IFT81: variants seen among roughly 807,000 people sequenced by gnomAD.
IFT81 encodes the protein intraflagellar transport 81, also known as intraflagellar transport protein 81 homolog.
IFT81 carries 72 observed loss-of-function variants against 102.6 expected under a neutral mutation model. The ratio of observed to expected loss-of-function variants is 0.70; its 90% confidence interval spans 0.58 to 0.85. The LOEUF is 0.85. Ranked by LOEUF, IFT81 falls within the 40% of genes least tolerant of loss-of-function variation. IFT81 has a pLI of 0.00. For missense variants in IFT81, 723 were observed against 787.3 expected (o/e 0.92, Z 0.98); for synonymous variants, 237 against 242.7 (o/e 0.98, Z 0.22).
chr12:110,211,806 C>A (rs905580821), intron 18 of IFT81, among the ~76,000 whole-genome samples: 66 of 152,180 alleles, frequency 4.3e-4, no homozygotes, highest in Middle Eastern at 3.4e-3. Flanking sequence ...TGCGCCCAGC[C>A]TTCTTACTAG....
chr12:110,130,128 A>G lies in IFT81; in HGVS notation c.429+998A>G, dbSNP rs571263322. ...GCTATTTGGGGTAGACATGGCAGTA[A>G]CTCAAAATAGAGTCAATATTGATCT... is the stretch of plus-strand genomic sequence containing the variant. On this transcript the variant is annotated intron_variant, in intron 4 of 18. Transcript: ENST00000242591. 2.9e-4 allele frequency among the ~76,000 whole-genome samples: 44 copies of G among 152,292 alleles called. 1 individual carries two copies. The highest frequency in any genetic ancestry group is 9.9e-4 in the African/African-American group (41 of 41,548).
At chr12:110,211,292 C>T (rs992299804) in intron 18 of IFT81, among the ~76,000 whole-genome samples, 1 of 151,172 alleles carries the variant, frequency 6.6e-6, no homozygotes, top group Admixed American at 6.6e-5. Context: ...CAGGCTCAAG[C>T]GATCCTCCCG....
intron 8 of IFT81, among the ~76,000 whole-genome samples, chr12:110,141,453 A>G (rs1319138913): frequency 3.9e-5 from 6 of 152,242 alleles, no homozygotes; most frequent in Admixed American, 3.9e-4. Context: ...AAAATTTTAC[A>G]TGTTAATATA....
intron 12 of IFT81, among the ~76,000 whole-genome samples, chr12:110,189,360 A>T (rs112592210): frequency 4.4e-4 from 66 of 151,072 alleles, no homozygotes; most frequent in Admixed American, 6.0e-4. Flanking sequence ...TTATTTATTT[A>T]TTTTTTGAGA....
chr12:110,203,553 A>G lies in IFT81; in HGVS notation c.1558-311A>G, dbSNP rs1472149539. ...GTAACACCTTGTGTTTTCCTATCAT[A>G]GCTCTCAGCAGCCTGTTTACTTGTC... is the stretch of plus-strand genomic sequence containing the variant. On this transcript the variant is annotated intron_variant, in intron 14 of 18. Coordinates refer to ENST00000242591, the MANE Select transcript of IFT81 (RefSeq NM_014055.4). The G allele has an allele frequency of 1.1e-5, 3 of 262,024 alleles. No homozygotes were observed. In the South Asian group the frequency reaches 1.5e-4, roughly 13 times the overall value. 16.2% of individuals were successfully genotyped at this position (262,024 alleles called of 1,614,324 possible).
chr12:110,157,566 T>A (rs188436389), intron 10 of IFT81, among the ~76,000 whole-genome samples: 1 of 152,212 alleles, frequency 6.6e-6, no homozygotes, highest in Non-Finnish European at 1.5e-5. Flanking sequence ...TTGTATTTAA[T>A]CAAATTGATG....
chr12:110,159,426 C>T (rs935346137), intron 10 of IFT81, among the ~76,000 whole-genome samples: 1 of 152,184 alleles, frequency 6.6e-6, no homozygotes, highest in Admixed American at 6.5e-5. Context: ...GGCCACTGCA[C>T]TCCAGCCTGA....
chr12:110,162,772 A>G (rs1227855314), intron 10 of IFT81, 147 bp from the exon 11 acceptor site: 1 of 599,468 alleles, frequency 1.7e-6, no homozygotes, highest in Non-Finnish European at 2.9e-6. Flanking sequence ...GGTGATGATG[A>G]GTAGTAGGGC....
intron 12 of IFT81, among the ~76,000 whole-genome samples, chr12:110,183,911 C>T (rs888121068): frequency 6.6e-6 from 1 of 152,186 alleles, no homozygotes; most frequent in Non-Finnish European, 1.5e-5. Context: ...TTTGCCTAGA[C>T]TAAGAATTCA....
At chr12:110,136,667 C>T in intron 7 of IFT81, 109 bp from the exon 8 acceptor site, 2 of 498,180 alleles carry the variant, frequency 4.0e-6, no homozygotes, top group South Asian at 6.4e-5. Context: ...ATTATTTGTT[C>T]CTTTTATATC....
At chr12:110,144,969 G>A (rs1895127580) in intron 9 of IFT81, among the ~76,000 whole-genome samples, 1 of 147,206 alleles carries the variant, frequency 6.8e-6, no homozygotes, top group African/African-American at 2.5e-5. Flanking sequence ...GGGTTCAAGC[G>A]ATTCTTCTAC....
chr12:110,187,475 G>C (rs1897588213), intron 12 of IFT81, among the ~76,000 whole-genome samples: 1 of 152,172 alleles, frequency 6.6e-6, no homozygotes, highest in South Asian at 2.1e-4. Flanking sequence ...ATGTTGGCCA[G>C]GCTGGTCTTG....
intron 11 of IFT81, among the ~76,000 whole-genome samples, chr12:110,171,452 C>T (rs958405387): frequency 2.4e-4 from 37 of 152,110 alleles, no homozygotes; most frequent in African/African-American, 8.0e-4. Flanking sequence ...GATTTCTACC[C>T]GCATATATCA....
At chr12:110,140,105 T>A (rs56084592) in intron 8 of IFT81, among the ~76,000 whole-genome samples, 25,487 of 149,268 alleles carry the variant, frequency 0.17, 3,321 homozygotes, top group African/African-American at 0.37. Flanking sequence ...ATGTATTAAA[T>A]TTTTTTTTTT....
At chr12:110,191,214 A>G (rs1248787793) in intron 13 of IFT81, among the ~76,000 whole-genome samples, 166 bp downstream of exon 13, 1 of 149,714 alleles carries the variant, frequency 6.7e-6, no homozygotes, top group African/African-American at 2.5e-5. Flanking sequence ...TCTATTGCCC[A>G]GGCTAGAGTG....
At chr12:110,144,019 TTTTTTTTTTGAGACAGTAC>T (rs1381917221) in intron 9 of IFT81, among the ~76,000 whole-genome samples, 3 of 149,084 alleles carry the variant, frequency 2.0e-5, no homozygotes, top group African/African-American at 7.5e-5. Flanking sequence ...TTTTTTTTTT[TTTTTTTTTTGAGACAGTAC>T]TTGCTCTGTT....
In IFT81 at chr12:110,132,515, T is replaced by C. The variant is rs117736974; in HGVS notation, c.430-32T>C. ...AAGAAAACTCTACTGGATCTAGTTA[T>C]TAGTTTATAATTTCTTAACTTATTC... On this transcript the variant is annotated intron_variant, in intron 4 of 18. Coordinates refer to ENST00000242591, the MANE Select transcript of IFT81 (RefSeq NM_014055.4). The C allele has an allele frequency of 6.6e-4, 614 of 927,726 alleles. 4 individuals carry two copies. In the East Asian group the frequency reaches 0.015, roughly 22 times the overall value. The allele number at this position is 927,726 out of a possible 1,614,324, so 57.5% of individuals were successfully genotyped here.
intron 10 of IFT81, among the ~76,000 whole-genome samples, chr12:110,161,723 G>A (rs577605719): frequency 6.6e-6 from 1 of 152,062 alleles, no homozygotes; most frequent in East Asian, 1.9e-4. Flanking sequence ...CAAAGTGCTG[G>A]GATTACAGAC....
At chr12:110,173,746 T>TA (rs1438254207) in intron 11 of IFT81, among the ~76,000 whole-genome samples, 1 of 152,146 alleles carries the variant, frequency 6.6e-6, no homozygotes, top group Admixed American at 6.5e-5. Context: ...TGTGCTTTGT[T>TA]AAACAGATGC....
Sources: allele counts gnomAD v4.1 joint callset (sites outside exome capture counted in the v4.1 genomes callset), GRCh38; gene constraint gnomAD v4.1.1; transcripts MANE v1.5; gene names NCBI Gene and HGNC (gene_info 2026-07-23, HGNC 2026-07-21).